NKAIN3: variants seen among roughly 807,000 people sequenced by gnomAD.
The protein encoded by NKAIN3 is sodium/potassium-transporting ATPase subunit beta-1-interacting protein 3.
NKAIN3 carries 25 observed loss-of-function variants against 30.2 expected under a neutral mutation model. The observed-to-expected ratio is 0.83, with a 90% CI of 0.60 to 1.16. The LOEUF is 1.16. NKAIN3 is among the 50% of genes most tolerant of loss of function. The pLI is 0.00. For synonymous variants in NKAIN3, 91 were observed against 89.6 expected, an observed-to-expected ratio of 1.02 and a Z score of -0.09; for missense variants, 225 against 254.1, an observed-to-expected ratio of 0.89 and a Z score of 0.78.
chr8:62,571,624 C>T (rs1454199804), intron 1 of NKAIN3, among the ~76,000 whole-genome samples: 1 of 152,156 alleles, frequency 6.6e-6, no homozygotes, highest in Non-Finnish European at 1.5e-5. Flanking sequence ...TCCATGAGGG[C>T]CCCGCCACTG....
At chr8:62,945,355 C>T (rs1823092138) in intron 5 of NKAIN3, among the ~76,000 whole-genome samples, 1 of 152,140 alleles carries the variant, frequency 6.6e-6, no homozygotes, top group African/African-American at 2.4e-5. Context: ...TGATGAGGTT[C>T]TTCTTCAATT....
At chr8:62,758,118 C>T (rs1264493274) in intron 4 of NKAIN3, among the ~76,000 whole-genome samples, 1 of 152,152 alleles carries the variant, frequency 6.6e-6, no homozygotes, top group Admixed American at 6.6e-5. Context: ...TGTTATACCA[C>T]TTCTTGGAGA....
In NKAIN3 at chr8:62,900,364, C is replaced by T. The variant is rs138369987; in HGVS notation, c.472-18089C>T. On this transcript the variant is annotated intron_variant, in intron 4 of 6. Transcript: ENST00000623646. ...AAGAAAGGATTACTCTGAAGAATTA[C>T]ACCATCATCCTGGGGATTACAGTAT... is the stretch of plus-strand genomic sequence containing the variant. Among the ~76,000 whole-genome samples the T allele has an allele frequency of 3.8e-3, 573 of 152,318 alleles. 10 individuals are homozygous for T. The highest frequency in any genetic ancestry group is 3.9e-3 in the Admixed American group (59 of 15,298).
intron 4 of NKAIN3, among the ~76,000 whole-genome samples, chr8:62,772,433 A>G (rs925945726): frequency 1.3e-5 from 2 of 152,158 alleles, no homozygotes; most frequent in East Asian, 1.9e-4. Flanking sequence ...CAGTAGTTGT[A>G]CTGATTTACA....
chr8:62,811,117 A>G (rs1818472833), intron 4 of NKAIN3, among the ~76,000 whole-genome samples: 1 of 152,074 alleles, frequency 6.6e-6, no homozygotes, highest in Non-Finnish European at 1.5e-5. Flanking sequence ...ATATGTTGTC[A>G]TCTCAAGAAT....
At chr8:62,383,118 G>T (rs1342977638) in intron 1 of NKAIN3, among the ~76,000 whole-genome samples, 1 of 152,048 alleles carries the variant, frequency 6.6e-6, no homozygotes, top group African/African-American at 2.4e-5. Context: ...CTTTGATATT[G>T]AACTCAAAGG....
intron 4 of NKAIN3, among the ~76,000 whole-genome samples, chr8:62,851,333 C>T (rs1036294212): frequency 3.3e-5 from 5 of 152,018 alleles, no homozygotes; most frequent in African/African-American, 9.7e-5. Context: ...CTGAAGTTGC[C>T]TATCAGCTTA....
At chr8:62,486,183 G>A (rs116672179) in intron 1 of NKAIN3, among the ~76,000 whole-genome samples, 176 of 152,150 alleles carry the variant, frequency 1.2e-3, no homozygotes, top group African/African-American at 4.0e-3. Context: ...AAAATGAGTC[G>A]GCAAAGGAGA....
rs143449524 is a variant in NKAIN3, at chr8:62,699,714, T to A, written c.274-47218T>A. Among the ~76,000 whole-genome samples the A allele has an allele frequency of 4.2e-3, 640 of 152,334 alleles. 6 individuals are homozygous for A. Among genetic ancestry groups the A allele is most frequent in the African/African-American group, 0.015 (616 of 41,576 alleles). ...GTTATTAACATTCCTGGAGTTATGA[T>A]TAGTCTTGAACTGTAGCCTGTAGTG... On this transcript the variant is annotated intron_variant, in intron 3 of 6. Transcript: ENST00000623646.
chr8:62,871,649 G>A (rs1285402406), intron 4 of NKAIN3, among the ~76,000 whole-genome samples: 15 of 152,250 alleles, frequency 9.9e-5, no homozygotes, highest in Admixed American at 9.8e-4. Context: ...TGGGGGCCAA[G>A]CCCAAGGAAG....
At chr8:62,998,777 G>C (rs1804185097) in intron 5 of NKAIN3, among the ~76,000 whole-genome samples, 1 of 152,144 alleles carries the variant, frequency 6.6e-6, no homozygotes, top group Admixed American at 6.5e-5. Flanking sequence ...TAACTTGAAA[G>C]ATGTTTTAAA....
At chr8:62,892,411 G>A (rs184714432) in intron 4 of NKAIN3, among the ~76,000 whole-genome samples, 261 of 152,190 alleles carry the variant, frequency 1.7e-3, no homozygotes, top group Non-Finnish European at 7.6e-4. Context: ...TAAAATTGTC[G>A]TCTTATTAAC....
intron 4 of NKAIN3, among the ~76,000 whole-genome samples, chr8:62,798,406 CT>C (rs1353386020): frequency 6.6e-6 from 1 of 151,972 alleles, no homozygotes; most frequent in Non-Finnish European, 1.5e-5. Context: ...CCCATCTCTA[CT>C]GAAAATACAA....
At chr8:62,611,309 TA>T (rs903067070) in intron 3 of NKAIN3, among the ~76,000 whole-genome samples, 1 of 152,112 alleles carries the variant, frequency 6.6e-6, no homozygotes, top group African/African-American at 2.4e-5. Context: ...TGCTTTGAGT[TA>T]AAAAAATCCA....
At chr8:62,348,793 G>T (rs140822066) in intron 1 of NKAIN3, among the ~76,000 whole-genome samples, 139 of 152,294 alleles carry the variant, frequency 9.1e-4, no homozygotes, top group African/African-American at 3.1e-3. Context: ...AATCTCACGT[G>T]ATGACTATTT....
chr8:62,518,816 A>C (rs983440534), intron 1 of NKAIN3, among the ~76,000 whole-genome samples: 3 of 152,106 alleles, frequency 2.0e-5, no homozygotes, highest in Admixed American at 6.6e-5. Flanking sequence ...CAGCATAAGG[A>C]AACAAATTTT....
At chr8:62,494,483 A>T (rs1396216780) in intron 1 of NKAIN3, among the ~76,000 whole-genome samples, 1 of 151,822 alleles carries the variant, frequency 6.6e-6, no homozygotes, top group Non-Finnish European at 1.5e-5. Flanking sequence ...AGTTTTCTTT[A>T]TTTGTTGTGT....
chr8:62,280,719 T>C (rs1813149033), intron 1 of NKAIN3, among the ~76,000 whole-genome samples: 1 of 152,198 alleles, frequency 6.6e-6, no homozygotes, highest in African/African-American at 2.4e-5. Flanking sequence ...ATCCCAGGGA[T>C]AAAGCCAACT....
chr8:62,348,432 T>C (rs1489034644), intron 1 of NKAIN3, among the ~76,000 whole-genome samples: 3 of 152,216 alleles, frequency 2.0e-5, no homozygotes, highest in Non-Finnish European at 4.4e-5. Flanking sequence ...GACAAGATGA[T>C]ATACTTTGTT....
Sources: gnomAD v4.1 joint callset for allele counts (sites outside exome capture counted in the v4.1 genomes callset) on GRCh38, gnomAD v4.1.1 for gene constraint, MANE v1.5 for transcripts, NCBI Gene and HGNC (gene_info 2026-07-23, HGNC 2026-07-21) for gene names.